NDFIP1: variants seen among roughly 807,000 people sequenced by gnomAD.
The protein encoded by NDFIP1 is Nedd4 family interacting protein 1, also known as NEDD4 family-interacting protein 1.
Under a neutral mutation model 28.8 loss-of-function variants are expected in NDFIP1, and 7 were observed. The observed-to-expected ratio is 0.24, with a 90% CI of 0.14 to 0.46. The LOEUF is 0.46. NDFIP1 is among the 20% of genes least tolerant of loss of function. The pLI, the probability that NDFIP1 is intolerant of heterozygous loss-of-function variation, is 0.99. For missense variants in NDFIP1, 194 were observed against 269.1 expected (o/e 0.72, Z 1.95); for synonymous variants, 92 against 101.0 (o/e 0.91, Z 0.53).
chr5:142,126,346 G>T (rs920473205), intron 1 of NDFIP1, among the ~76,000 whole-genome samples: 2 of 152,122 alleles, frequency 1.3e-5, no homozygotes, highest in Admixed American at 1.3e-4. Context: ...CAAAACTAGA[G>T]TTCAAGCATT....
intron 1 of NDFIP1, among the ~76,000 whole-genome samples, chr5:142,125,408 C>G (rs998405867): frequency 3.3e-5 from 5 of 152,172 alleles, no homozygotes. Context: ...CTCTGTTGCT[C>G]AGACTGAGCA....
In NDFIP1 at chr5:142,152,375, A is replaced by G. The variant is rs906828161; in HGVS notation, c.*647A>G. On this transcript the variant is annotated 3_prime_UTR_variant, in exon 8 of 8. Transcript: ENST00000253814. ...AATTCTGCGGTACCTTATTGTACCT[A>G]AGGGATTCTAAAGGTGTTGTCACTG... 1 of 152,308 alleles carries G rather than the reference A, an allele frequency of 6.6e-6. No individual in the cohort carries two copies. Among genetic ancestry groups the G allele is most frequent in the Non-Finnish European group, 1.5e-5 (1 of 68,026 alleles). The allele number at this position is 152,308 out of a possible 1,614,324, so 9.4% of individuals were successfully genotyped here. A position where few individuals can be genotyped will look rare whatever the true frequency, so the allele number is the denominator to read the frequency against.
chr5:142,141,797 T>C (rs1757334397), intron 6 of NDFIP1, among the ~76,000 whole-genome samples: 1 of 152,078 alleles, frequency 6.6e-6, no homozygotes, highest in African/African-American at 2.4e-5. Flanking sequence ...TGGTTCTGGC[T>C]AGGACATCCT....
At chr5:142,130,756 A>G (rs1757219428) in intron 1 of NDFIP1, among the ~76,000 whole-genome samples, 1 of 152,100 alleles carries the variant, frequency 6.6e-6, no homozygotes, top group Non-Finnish European at 1.5e-5. Flanking sequence ...ACATGCAGAT[A>G]CACAACAAAA....
intron 7 of NDFIP1, 107 bp downstream of exon 7, chr5:142,144,783 T>C (rs1192330715): frequency 3.1e-6 from 2 of 636,268 alleles, no homozygotes; most frequent in African/African-American, 3.7e-5. Context: ...ATAGAGAAAG[T>C]AAAGAAGGCA....
chr5:142,109,951 T>A (rs1756995918), intron 1 of NDFIP1, among the ~76,000 whole-genome samples: 1 of 152,210 alleles, frequency 6.6e-6, no homozygotes, highest in Admixed American at 6.5e-5. Flanking sequence ...AAATAACGGC[T>A]TGTGTTTGTC....
intron 6 of NDFIP1, among the ~76,000 whole-genome samples, chr5:142,141,323 CTG>C (rs1186163108): frequency 1.3e-5 from 2 of 151,446 alleles, no homozygotes; most frequent in African/African-American, 4.8e-5. Flanking sequence ...CTACAGGCAC[CTG>C]CCACCACGCC....
At chr5:142,136,217 C>T (rs972008485) in intron 4 of NDFIP1, among the ~76,000 whole-genome samples, 2 of 152,140 alleles carry the variant, frequency 1.3e-5, no homozygotes, top group Non-Finnish European at 2.9e-5. Context: ...GATTTTCTCC[C>T]TTCATGTTAC....
At chr5:142,141,168 CTTTTTTTTTTTT>C (rs1161113130) in intron 6 of NDFIP1, among the ~76,000 whole-genome samples, 14 of 59,958 alleles carry the variant, frequency 2.3e-4, no homozygotes, top group African/African-American at 9.0e-4. Context: ...GGCAAGAGGA[CTTTTTTTTTTTT>C]TTTTTTTTTT....
chr5:142,127,785 A>G (rs957431138), intron 1 of NDFIP1, among the ~76,000 whole-genome samples: 2 of 151,974 alleles, frequency 1.3e-5, no homozygotes, highest in Non-Finnish European at 2.9e-5. Context: ...GCACAACCCC[A>G]TCTCTACTAA....
chr5:142,138,941 G>A (rs555624737), intron 5 of NDFIP1, among the ~76,000 whole-genome samples: 1 of 151,362 alleles, frequency 6.6e-6, no homozygotes, highest in Admixed American at 6.6e-5. Flanking sequence ...AAATGGGCCG[G>A]GTGCGGTGGC....
rs544927352 is a variant in NDFIP1 at position 142,111,990 on chromosome 5, C to T, written c.63+2953C>T. Among the ~76,000 whole-genome samples the T allele has an allele frequency of 1.1e-4, 16 of 151,974 alleles. No homozygotes were observed. In the East Asian group the frequency reaches 3.1e-3, roughly 29 times the overall value. On this transcript the variant is annotated intron_variant, in intron 1 of 7. Coordinates refer to ENST00000253814, the MANE Select transcript of NDFIP1 (RefSeq NM_030571.4). Reference sequence around the variant, plus strand: ...GCTGAGGCAGGAGAATTGCTTGAACCTGGGAGGCAGAAGTTGCAGTGAGCC... The same window carrying T: ...GCTGAGGCAGGAGAATTGCTTGAACTTGGGAGGCAGAAGTTGCAGTGAGCC...
chr5:142,113,458 A>G (rs898889118), intron 1 of NDFIP1, among the ~76,000 whole-genome samples: 7 of 152,232 alleles, frequency 4.6e-5, no homozygotes, highest in African/African-American at 1.4e-4. Flanking sequence ...AAAGTTTCTT[A>G]AGTTATATGC....
intron 7 of NDFIP1, among the ~76,000 whole-genome samples, chr5:142,146,472 C>G (rs1296596685): frequency 6.6e-6 from 1 of 152,182 alleles, no homozygotes. Flanking sequence ...TTAGGTTTAA[C>G]TTTTACCTAT....
At chr5:142,131,972 A>AT (rs1158163567) in intron 2 of NDFIP1, 77 bp downstream of exon 2, 11 of 1,317,470 alleles carry the variant, frequency 8.3e-6, no homozygotes, top group Middle Eastern at 1.9e-4. Flanking sequence ...AAAAAAAAAA[A>AT]GCTTCAGAAG....
At chr5:142,115,287 T>C (rs1757053127) in intron 1 of NDFIP1, among the ~76,000 whole-genome samples, 1 of 152,202 alleles carries the variant, frequency 6.6e-6, no homozygotes, top group South Asian at 2.1e-4. Flanking sequence ...TATTCTTTTT[T>C]GTTTGTTTGT....
intron 4 of NDFIP1, among the ~76,000 whole-genome samples, chr5:142,137,147 T>G (rs1246384292): frequency 6.6e-6 from 1 of 151,888 alleles, no homozygotes; most frequent in Non-Finnish European, 1.5e-5. Flanking sequence ...TTTTGCTGTT[T>G]TTTGTTTTTT....
intron 1 of NDFIP1, among the ~76,000 whole-genome samples, chr5:142,125,330 C>G (rs935076647): frequency 6.6e-6 from 1 of 152,078 alleles, no homozygotes; most frequent in Non-Finnish European, 1.5e-5. Context: ...TGGGTATATA[C>G]CTTGGAGTGG....
At chr5:142,126,495 T>C (rs761220794) in intron 1 of NDFIP1, among the ~76,000 whole-genome samples, 1 of 152,234 alleles carries the variant, frequency 6.6e-6, no homozygotes. Flanking sequence ...ATGGACTTAC[T>C]GGATACTTCA....
Sources: gnomAD v4.1 joint callset for allele counts (sites outside exome capture counted in the v4.1 genomes callset) on GRCh38, gnomAD v4.1.1 for gene constraint, MANE v1.5 for transcripts, NCBI Gene and HGNC (gene_info 2026-07-23, HGNC 2026-07-21) for gene names.